CFAP251: variants seen among roughly 807,000 people sequenced by gnomAD.
CFAP251 encodes cilia- and flagella-associated protein 251.
In CFAP251, 93 loss-of-function variants were observed where a neutral mutation model predicts 126.7. The ratio of observed to expected loss-of-function variants is 0.73; its 90% CI spans 0.62 to 0.87. The LOEUF (loss-of-function observed/expected upper bound fraction) is 0.87, where lower values mean the gene tolerates loss of function less well. Ranked by LOEUF, CFAP251 falls within the 40% of genes least tolerant of loss-of-function variation. CFAP251 has a pLI of 0.00. For synonymous variants in CFAP251, 503 were observed against 506.9 expected, an observed-to-expected ratio of 0.99 and a Z score of 0.10; for missense variants, 1,287 against 1,389.2, an observed-to-expected ratio of 0.93 and a Z score of 1.17.
At chr12:121,958,575 G>A in intron 12 of CFAP251, 53 bp downstream of exon 12, 1 of 1,603,522 alleles carries the variant, frequency 6.2e-7, no homozygotes, top group Non-Finnish European at 8.5e-7. Flanking sequence ...GCCCTGAAAG[G>A]GATGGATGCA....
chr12:121,988,884 C>T (rs1051452784), intron 19 of CFAP251, among the ~76,000 whole-genome samples: 4 of 151,754 alleles, frequency 2.6e-5, no homozygotes, highest in South Asian at 2.1e-4. Context: ...TACAGGTGCC[C>T]GCCCCCACGC....
rs1555215926 is a variant in CFAP251, at chr12:121,928,642, A to ATACG, written c.748-3102_748-3101insCGTA. Among the ~76,000 whole-genome samples the ATACG allele has an allele frequency of 1.3e-3, 40 of 30,034 alleles. 3 individuals are homozygous for ATACG. The highest frequency in any genetic ancestry group is 3.2e-3 in the Admixed American group (8 of 2,508). The allele number at this position is 30,034 out of a possible 152,430, so 19.7% of individuals were successfully genotyped here. ...TGTATATGTGTATATATATACGTATATATATATATATATACGTATATATAT... is the reference window on the plus strand; with the variant it reads ...TGTATATGTGTATATATATACGTATATACGTATATATATATATACGTATATATAT... On this transcript the variant is annotated intron_variant, in intron 3 of 21. Transcript: ENST00000288912.
chr12:121,922,105 CTTT>C (rs545096948), intron 2 of CFAP251, among the ~76,000 whole-genome samples: 11 of 120,392 alleles, frequency 9.1e-5, no homozygotes, highest in Admixed American at 9.0e-5. Flanking sequence ...ACAATCCATT[CTTT>C]TTTTTTTTTT....
In CFAP251 at chr12:121,960,562, CCTTCT is replaced by C; in HGVS notation, c.2134-19_2134-15del. ...TTACTAAACGTAAAATGGGATAACT[CCTTCT>C]CTTTTGCTCATCTTCAGGATAGAAG... is the stretch of plus-strand genomic sequence containing the variant. On this transcript the variant is annotated intron_variant, in intron 13 of 21. Coordinates refer to ENST00000288912, the MANE Select transcript of CFAP251 (RefSeq NM_144668.6). The C allele has an allele frequency of 6.2e-7, 1 of 1,613,150 alleles. No homozygotes were observed.
At chr12:121,959,948 A>ACC (rs141216602) in intron 13 of CFAP251, among the ~76,000 whole-genome samples, 15 of 136,664 alleles carry the variant, frequency 1.1e-4, no homozygotes, top group East Asian at 2.1e-4. Context: ...ACATGGTGAG[A>ACC]CACCCCCCAT....
intron 5 of CFAP251, among the ~76,000 whole-genome samples, chr12:121,937,552 G>A (rs1056147097): frequency 2.0e-5 from 3 of 152,162 alleles, no homozygotes; most frequent in Non-Finnish European, 4.4e-5. Flanking sequence ...GATCCTAGAT[G>A]GGTTTTCTTT....
intron 17 of CFAP251, chr12:121,969,465 G>A (rs1199674045): frequency 2.0e-6 from 2 of 985,360 alleles, no homozygotes; most frequent in East Asian, 2.3e-4. Context: ...CACCCTGTGG[G>A]GACAAGCAGA....
intron 8 of CFAP251, chr12:121,950,314 G>C (rs1416495119): frequency 6.6e-6 from 1 of 152,220 alleles, no homozygotes; most frequent in Admixed American, 6.5e-5. Flanking sequence ...GGCCTGGAGA[G>C]AGACGGAGTG....
At position 122,001,574 on chromosome 12, in the gene CFAP251, G is replaced by A. The variant is rs1037654630; in HGVS notation, c.3313G>A (p.Glu1105Lys). ...CCTGAATCCCGAGGGATGGAAATCCGAGCCTGCAACCTGCTCCGTCAAAGG... is the reference window on the plus strand; with the variant it reads ...CCTGAATCCCGAGGGATGGAAATCCAAGCCTGCAACCTGCTCCGTCAAAGG... ...FGLNPEGWKSEPATCSVKGSE... is the reference protein window; with the variant it reads ...FGLNPEGWKSKPATCSVKGSE... The change falls in exon 21 of 22, where the codon GAG becomes AAG. Residue 1105 changes from glutamate (E) to lysine (K), a missense_variant. Glu to Lys is a moderately conservative substitution (Grantham distance 56). Coordinates refer to ENST00000288912, the MANE Select transcript of CFAP251 (RefSeq NM_144668.6). 18 of 1,613,964 alleles carry A rather than the reference G, an allele frequency of 1.1e-5. No individual in the cohort carries two copies. Among genetic ancestry groups the A allele is most frequent in the East Asian group, 6.7e-5 (3 of 44,894 alleles).
At chr12:121,994,973 A>T (rs984780940) in intron 19 of CFAP251, among the ~76,000 whole-genome samples, 3 of 152,146 alleles carry the variant, frequency 2.0e-5, no homozygotes, top group African/African-American at 7.2e-5. Flanking sequence ...AAATTAAAAA[A>T]AAAATAATAA....
At chr12:121,949,443 G>C (rs940585278) in intron 8 of CFAP251, 11 of 152,598 alleles carry the variant, frequency 7.2e-5, no homozygotes, top group African/African-American at 2.7e-4. Flanking sequence ...TGGGATTAGA[G>C]GGGTGAGCCG....
intron 7 of CFAP251, among the ~76,000 whole-genome samples, chr12:121,945,743 G>A (rs988806763): frequency 3.3e-5 from 5 of 151,664 alleles, no homozygotes; most frequent in Non-Finnish European, 7.4e-5. Flanking sequence ...TTGGCTCACC[G>A]CAAGCTTTGC....
chr12:121,924,810 G>T (rs1880343869), intron 3 of CFAP251, among the ~76,000 whole-genome samples: 2 of 152,146 alleles, frequency 1.3e-5, no homozygotes, highest in African/African-American at 4.8e-5. Context: ...AGCGGCATCT[G>T]CGTTCAATGG....
chr12:121,941,234 G>C (rs1881100661), intron 5 of CFAP251, among the ~76,000 whole-genome samples: 1 of 149,660 alleles, frequency 6.7e-6, no homozygotes, highest in Non-Finnish European at 1.5e-5. Context: ...GTTTCACCAT[G>C]TTGGCCAGGC....
intron 3 of CFAP251, among the ~76,000 whole-genome samples, chr12:121,927,441 G>GCA (rs1469346914): frequency 6.6e-6 from 1 of 151,946 alleles, no homozygotes; most frequent in East Asian, 1.9e-4. Context: ...GGGATTATAG[G>GCA]CACGCACCAC....
intron 3 of CFAP251, 64 bp downstream of exon 3, chr12:121,924,054 T>A: frequency 1.3e-6 from 2 of 1,499,762 alleles, no homozygotes; most frequent in Non-Finnish European, 1.8e-6. Context: ...AGGGGAATTT[T>A]ATGCATGTTG....
chr12:121,960,376 C>T (rs1881889162), intron 13 of CFAP251, among the ~76,000 whole-genome samples: 2 of 152,084 alleles, frequency 1.3e-5, no homozygotes, highest in African/African-American at 2.4e-5. Flanking sequence ...TGCCACCACG[C>T]CCAGCTAATT....
At chr12:121,959,847 G>A (rs1881863816) in intron 13 of CFAP251, 1 of 152,114 alleles carries the variant, frequency 6.6e-6, no homozygotes, top group African/African-American at 2.4e-5. Context: ...TGGGCATTAG[G>A]CCAGGTGTAG....
intron 19 of CFAP251, among the ~76,000 whole-genome samples, chr12:121,987,823 G>A (rs1341524561): frequency 2.0e-5 from 3 of 152,040 alleles, no homozygotes; most frequent in South Asian, 2.1e-4. Flanking sequence ...AGCTACCGAG[G>A]GCACAGCCAG....
Sources: allele counts gnomAD v4.1 joint callset (sites outside exome capture counted in the v4.1 genomes callset), GRCh38; gene constraint gnomAD v4.1.1; transcripts MANE v1.5; gene names NCBI Gene and HGNC (gene_info 2026-07-23, HGNC 2026-07-21).